Variants in NKAIN3 observed in about 807,000 individuals in gnomAD.
NKAIN3 encodes the protein sodium/potassium-transporting ATPase subunit beta-1-interacting protein 3.
A neutral mutation model predicts 30.2 loss-of-function variants in NKAIN3; 25 were observed. The ratio of observed to expected loss-of-function variants is 0.83; its 90% CI spans 0.60 to 1.16. The LOEUF (loss-of-function observed/expected upper bound fraction) is 1.16, where lower values mean the gene tolerates loss of function less well. Ranked by LOEUF, NKAIN3 falls within the 50% of genes most tolerant of loss-of-function variation. The pLI, the probability that NKAIN3 is intolerant of heterozygous loss-of-function variation, is 0.00. For missense variants in NKAIN3, 225 were observed against 254.1 expected (o/e 0.89, Z 0.78); for synonymous variants, 91 against 89.6 (o/e 1.02, Z -0.09).
intron 4 of NKAIN3, among the ~76,000 whole-genome samples, chr8:62,843,858 G>A (rs1267665095): frequency 2.0e-5 from 3 of 152,096 alleles, no homozygotes; most frequent in African/African-American, 7.2e-5. Context: ...GTAAGAGGGA[G>A]TGCTGTTCAC....
chr8:62,968,585 A>G lies in NKAIN3; in HGVS notation c.*3178A>G, dbSNP rs1347268866. 6.6e-6 allele frequency among the ~76,000 whole-genome samples: 1 copy of G among 152,210 alleles called. No homozygotes were observed. The highest frequency in any genetic ancestry group is 2.4e-5 in the African/African-American group (1 of 41,464). On this transcript the variant is annotated 3_prime_UTR_variant, in exon 7 of 7. Transcript: ENST00000623646. The stretch of plus-strand genomic sequence containing the variant: ...TCTAGATTCAATAGCTCTCCTCAGA[A>G]GTGGCCCTGGCAAAACTGAAGATAG...
chr8:62,765,790 A>G (rs1382063821), intron 4 of NKAIN3, among the ~76,000 whole-genome samples: 2 of 152,122 alleles, frequency 1.3e-5, no homozygotes, highest in Non-Finnish European at 2.9e-5. Context: ...GTATGCATAT[A>G]TAATTACTAT....
At chr8:62,493,938 G>A (rs1315103342) in intron 1 of NKAIN3, among the ~76,000 whole-genome samples, 1 of 152,050 alleles carries the variant, frequency 6.6e-6, no homozygotes, top group Non-Finnish European at 1.5e-5. Context: ...AGACTCTAGG[G>A]TTTTCTGAAT....
chr8:62,668,215 T>C (rs1813191368), intron 3 of NKAIN3, among the ~76,000 whole-genome samples: 1 of 152,140 alleles, frequency 6.6e-6, no homozygotes, highest in Non-Finnish European at 1.5e-5. Flanking sequence ...CATTTCTTTT[T>C]CTCGATGCCC....
rs954221946 is a variant in NKAIN3, at chr8:62,936,678, A to G, written c.533-17224A>G. 7.2e-5 allele frequency among the ~76,000 whole-genome samples: 11 copies of G among 152,134 alleles called. 1 individual carries two copies. Among genetic ancestry groups the G allele is most frequent in the African/African-American group, 2.4e-4 (10 of 41,380 alleles). On this transcript the variant is annotated intron_variant, in intron 5 of 6. Transcript: ENST00000623646. ...CATTATCCATCTTTAATGTCCCTAA[A>G]CAAACTTTAGTAGTTACAATTTTAA...
At chr8:62,387,893 T>C (rs1292688251) in intron 1 of NKAIN3, among the ~76,000 whole-genome samples, 8 of 152,212 alleles carry the variant, frequency 5.3e-5, no homozygotes, top group Admixed American at 5.2e-4. Flanking sequence ...AAAACTCTGC[T>C]TATGGCTTCT....
intron 3 of NKAIN3, among the ~76,000 whole-genome samples, chr8:62,639,341 T>G (rs1263931220): frequency 2.0e-5 from 3 of 151,944 alleles, no homozygotes; most frequent in Non-Finnish European, 4.4e-5. Flanking sequence ...TGAGATAAGG[T>G]TAGAAAATAG....
chr8:62,360,590 T>C (rs1231990544), intron 1 of NKAIN3, among the ~76,000 whole-genome samples: 1 of 152,196 alleles, frequency 6.6e-6, no homozygotes, highest in African/African-American at 2.4e-5. Context: ...TTACTACTAT[T>C]ATTCTGTTGT....
At chr8:62,843,765 C>A (rs901606490) in intron 4 of NKAIN3, among the ~76,000 whole-genome samples, 2 of 152,060 alleles carry the variant, frequency 1.3e-5, no homozygotes, top group African/African-American at 4.8e-5. Flanking sequence ...CAATAGGGAA[C>A]TAATAGAGTG....
Position 62,771,774 on chromosome 8 carries a change from T to C in NKAIN3, c.471+24645T>C, listed in dbSNP as rs560372129. 2.0e-5 allele frequency among the ~76,000 whole-genome samples: 3 copies of C among 152,272 alleles called. No individual in the cohort carries two copies. In the South Asian group the frequency reaches 6.2e-4, roughly 32 times the overall value. On this transcript the variant is annotated intron_variant, in intron 4 of 6. Coordinates refer to ENST00000623646, the MANE Select transcript of NKAIN3 (RefSeq NM_001304533.3). Reference sequence around the variant, plus strand: ...GGAGAAATTCTTTTTTATTTTTTATTTTTATGGGAACATAGTAGATATACA... The same window carrying C: ...GGAGAAATTCTTTTTTATTTTTTATCTTTATGGGAACATAGTAGATATACA...
downstream of NKAIN3, among the ~76,000 whole-genome samples, chr8:62,988,536 G>A (rs188097228): frequency 3.9e-5 from 6 of 152,354 alleles, no homozygotes; most frequent in East Asian, 1.2e-3. Context: ...CAAGGCTTGG[G>A]GCTTGCACCC....
At chr8:62,601,904 A>C (rs1179555515) in intron 3 of NKAIN3, among the ~76,000 whole-genome samples, 1 of 152,086 alleles carries the variant, frequency 6.6e-6, no homozygotes, top group Non-Finnish European at 1.5e-5. Flanking sequence ...ACTTCTAAAA[A>C]TACAGTCCTC....
At chr8:62,402,434 A>C (rs897078596) in intron 1 of NKAIN3, among the ~76,000 whole-genome samples, 29 of 152,292 alleles carry the variant, frequency 1.9e-4, no homozygotes, top group African/African-American at 7.0e-4. Context: ...GTCCCCACCC[A>C]AATCTCATTT....
chr8:62,742,076 G>A (rs1815918938), intron 3 of NKAIN3, among the ~76,000 whole-genome samples: 1 of 151,856 alleles, frequency 6.6e-6, no homozygotes, highest in African/African-American at 2.4e-5. Context: ...TTTCACAAAA[G>A]GCAGATTAAT....
intron 1 of NKAIN3, among the ~76,000 whole-genome samples, chr8:62,256,068 T>C (rs1812251630): frequency 6.6e-6 from 1 of 152,096 alleles, no homozygotes; most frequent in Non-Finnish European, 1.5e-5. Context: ...TGAAGGTCAG[T>C]TGAGAGCCGA....
At chr8:62,258,657 C>T (rs923645059) in intron 1 of NKAIN3, among the ~76,000 whole-genome samples, 4 of 150,258 alleles carry the variant, frequency 2.7e-5, no homozygotes, top group Non-Finnish European at 5.9e-5. Context: ...GAGACACTGT[C>T]TAAAAAAGAA....
At chr8:62,852,615 AC>A (rs1022340252) in intron 4 of NKAIN3, among the ~76,000 whole-genome samples, 11 of 151,018 alleles carry the variant, frequency 7.3e-5, no homozygotes, top group African/African-American at 2.7e-4. Context: ...CCCTCTACAC[AC>A]TGCTTTGAAT....
intron 1 of NKAIN3, among the ~76,000 whole-genome samples, chr8:62,542,811 A>G (rs76987244): frequency 0.012 from 1,865 of 152,310 alleles, 40 homozygotes; most frequent in African/African-American, 0.039. Context: ...TCATTGCATG[A>G]TTGCCCTTGT....
At chr8:62,253,908 A>G (rs1812187003) in intron 1 of NKAIN3, among the ~76,000 whole-genome samples, 1 of 152,174 alleles carries the variant, frequency 6.6e-6, no homozygotes, top group Admixed American at 6.5e-5. Flanking sequence ...TGGTTTTAAT[A>G]GTTCTTTTCT....
Sources: allele counts gnomAD v4.1 joint callset (sites outside exome capture counted in the v4.1 genomes callset), GRCh38; gene constraint gnomAD v4.1.1; transcripts MANE v1.5; gene names NCBI Gene and HGNC (gene_info 2026-07-23, HGNC 2026-07-21).